ZNF841: variants seen among roughly 807,000 people sequenced by gnomAD.
The protein encoded by ZNF841 is zinc finger protein 841.
ZNF841 carries 11 observed loss-of-function variants against 13.0 expected under a neutral mutation model. That is an observed-to-expected ratio of 0.85 (90% CI 0.53 to 1.40). The LOEUF (loss-of-function observed/expected upper bound fraction) is 1.40. Among genes scored for constraint, ZNF841 ranks in the 40% most tolerant of loss-of-function variants. The probability of loss-of-function intolerance (pLI) is 0.00; values close to 1 mark genes in which losing one functional copy is unlikely to be tolerated. For synonymous variants in ZNF841, 369 were observed against 381.6 expected, an observed-to-expected ratio of 0.97 and a Z score of 0.38; for missense variants, 1,068 against 1,139.5, an observed-to-expected ratio of 0.94 and a Z score of 0.90.
At chr19:52,080,244 C>G (rs1208246529) in intron 4 of ZNF841, among the ~76,000 whole-genome samples, 1 of 152,126 alleles carries the variant, frequency 6.6e-6, no homozygotes, top group African/African-American at 2.4e-5. Context: ...GATAAAGGAA[C>G]AGGAATCCCC....
In ZNF841 at chr19:52,066,358, A is replaced by T. The variant is rs1008848316; in HGVS notation, c.1524T>A (p.Thr508=). ...SHLAVHQRVH[T]GEKPYKCNEC... is the part of the protein sequence containing the mutation. ...CATTACATTTGTAAGGTTTCTCTCC[A>T]GTATGAACTCTCTGATGCACTGCAA... The change falls in exon 7 of 7, where the codon ACT becomes ACA. Residue 508 remains threonine (T), a synonymous_variant. Transcript: ENST00000594440. The T allele has an allele frequency of 7.4e-6, 12 of 1,613,952 alleles. No individual in the cohort carries two copies. The African/African-American group carries it at 1.6e-4, about 22-fold the overall frequency.
intron 2 of ZNF841, among the ~76,000 whole-genome samples, chr19:52,092,709 T>C (rs2088539426): frequency 6.6e-6 from 1 of 152,248 alleles, no homozygotes; most frequent in South Asian, 2.1e-4. Flanking sequence ...TAGCAGTTCA[T>C]GGCTGTAATC....
At chr19:52,078,654 G>A (rs2087989740) in intron 4 of ZNF841, among the ~76,000 whole-genome samples, 2 of 143,998 alleles carry the variant, frequency 1.4e-5, no homozygotes. Flanking sequence ...AGCCGAGATC[G>A]CACCACTGCA....
intron 6 of ZNF841, among the ~76,000 whole-genome samples, chr19:52,075,225 G>A (rs1200429701): frequency 6.6e-6 from 1 of 152,104 alleles, no homozygotes; most frequent in Non-Finnish European, 1.5e-5. Context: ...ACATAAAAGA[G>A]AATGCAAGAT....
rs1432012294 is a variant in ZNF841, at chr19:52,090,675, GAA to G, written c.-143-1675_-143-1674del. 4.3e-4 allele frequency among the ~76,000 whole-genome samples: 60 copies of G among 140,034 alleles called. 4 individuals carry two copies. The South Asian group carries it at 0.014, about 34-fold the overall frequency. The allele number at this position is 140,034 out of a possible 152,430, so 91.9% of individuals were successfully genotyped here. On this transcript the variant is annotated intron_variant, in intron 2 of 6. Transcript: ENST00000594440. Reference sequence around the variant, plus strand: ...GGAAGGAAAGAAAGAAAGAAAGAAAGAAAGAAAGAAAGAAAGAAAGAAAGAAA... The same window carrying G: ...GGAAGGAAAGAAAGAAAGAAAGAAAGAGAAAGAAAGAAAGAAAGAAAGAAA...
In ZNF841 at chr19:52,066,982, C is replaced by T. The variant is rs770437194; in HGVS notation, c.900G>A (p.Arg300=). 4 of 1,613,936 alleles carry T rather than the reference C, an allele frequency of 2.5e-6. No homozygotes were observed. The highest frequency in any genetic ancestry group is 2.5e-6 in the Non-Finnish European group (3 of 1,180,008). The part of the protein sequence containing the change: ...RCNESGKAFH[R]GSLLTVHQIV... ...TCTGATGTACTGTTAGTAGTGAGCC[C>T]CGATGAAAGGCTTTACCAGACTCAT... is the stretch of plus-strand genomic sequence containing the variant. The change falls in exon 7 of 7, where the codon CGG becomes CGA. Residue 300 remains arginine (R), a synonymous_variant. Transcript: ENST00000594440.
At chr19:52,087,780 G>A (rs1353799006) in intron 3 of ZNF841, among the ~76,000 whole-genome samples, 3 of 152,052 alleles carry the variant, frequency 2.0e-5, no homozygotes, top group Admixed American at 2.0e-4. Context: ...GAGGTCAGGA[G>A]ATTGAGACCA....
At chr19:52,062,202 G>A (rs1027998876), downstream of ZNF841, among the ~76,000 whole-genome samples, 1 of 152,156 alleles carries the variant, frequency 6.6e-6, no homozygotes, top group Admixed American at 6.5e-5. Context: ...CAACAGGGTG[G>A]TGACATGATA....
chr19:52,082,939 G>T (rs544383155), intron 4 of ZNF841, among the ~76,000 whole-genome samples: 5 of 151,964 alleles, frequency 3.3e-5, no homozygotes, highest in South Asian at 2.1e-4. Flanking sequence ...AATTAACTGG[G>T]CACAGTGGTA....
At chr19:52,061,488 C>T (rs2087395731), downstream of ZNF841, among the ~76,000 whole-genome samples, 2 of 152,026 alleles carry the variant, frequency 1.3e-5, no homozygotes, top group Admixed American at 1.3e-4. Context: ...AGAACCCACC[C>T]CCACCACCAA....
intron 4 of ZNF841, among the ~76,000 whole-genome samples, chr19:52,080,950 G>A (rs965930844): frequency 6.6e-6 from 1 of 152,056 alleles, no homozygotes; most frequent in Admixed American, 6.6e-5. Context: ...AACTTACAAA[G>A]AAATAGGAAA....
intron 6 of ZNF841, among the ~76,000 whole-genome samples, chr19:52,069,248 T>C (rs2087675198): frequency 1.3e-5 from 2 of 152,098 alleles, no homozygotes; most frequent in Non-Finnish European, 2.9e-5. Context: ...AATTTTTTTG[T>C]AGTTTTGGTA....
rs2087527836 is a variant in ZNF841 at position 52,065,652 on chromosome 19, T to C, written c.2230A>G (p.Lys744Glu). The C allele has an allele frequency of 1.2e-6, 2 of 1,606,450 alleles. No homozygotes were observed. The highest frequency in any genetic ancestry group is 1.7e-6 in the Non-Finnish European group (2 of 1,176,052). ...EMPYKCIECG[K>E]VFNSTTTLAR... ...AGGGTTGTAGTGGAGTTAAAGACTT[T>C]CCCACATTCAATACATTTGTATGGC... Residue 744 changes from lysine to glutamate, a missense_variant, in exon 7 of 7, where the codon AAA (lysine) becomes GAA (glutamate). Physicochemically the swap from Lys to Glu is moderately conservative, Grantham distance 56 (BLOSUM62 1). Coordinates refer to ENST00000594440, the MANE Select transcript of ZNF841 (RefSeq NM_001136499.2).
At chr19:52,059,171 A>C in the ZNF841 span, 1 of 151,610 alleles carries the variant, frequency 6.6e-6, no homozygotes, top group Non-Finnish European at 1.5e-5. Flanking sequence ...ACATGGTGAA[A>C]CCCTGTCTCT....
Position 52,065,774 on chromosome 19 carries a change from G to A in ZNF841, c.2108C>T (p.Pro703Leu). Residue 703 changes from proline (P) to leucine (L), a missense_variant, in exon 7 of 7, where the codon CCT (proline) becomes CTT (leucine). Physicochemically the swap from Pro to Leu is moderately conservative, Grantham distance 98. Coordinates refer to ENST00000594440, the MANE Select transcript of ZNF841 (RefSeq NM_001136499.2). ...SSKLARYHRN[P>L]TGEKPHKCSE... Reference sequence around the variant, plus strand: ...ACATTTGTGTGGTTTCTCCCCAGTAGGATTTCTGTGATATCTTGCAAGTTT... The same window carrying A: ...ACATTTGTGTGGTTTCTCCCCAGTAAGATTTCTGTGATATCTTGCAAGTTT... The A allele has an allele frequency of 6.2e-7, 1 of 1,610,024 alleles. No homozygotes were observed. Among genetic ancestry groups the A allele is most frequent in the Non-Finnish European group, 8.5e-7 (1 of 1,177,766 alleles).
intron 4 of ZNF841, among the ~76,000 whole-genome samples, chr19:52,083,749 T>C (rs139750501): frequency 1.1e-3 from 166 of 147,868 alleles, no homozygotes; most frequent in African/African-American, 3.8e-3. Context: ...GTACACAATA[T>C]AGCAAGGTAT....
chr19:52,076,123 T>C lies in ZNF841; in HGVS notation c.192A>G (p.Lys64=), dbSNP rs2087892445. The C allele has an allele frequency of 1.3e-6, 2 of 1,557,204 alleles. No individual in the cohort carries two copies. Among genetic ancestry groups the C allele is most frequent in the Non-Finnish European group, 8.7e-7 (1 of 1,149,738 alleles). The change falls in exon 6 of 7, where the codon AAA becomes AAG. Residue 64 remains lysine, a synonymous_variant. Coordinates refer to ENST00000594440, the MANE Select transcript of ZNF841 (RefSeq NM_001136499.2). ...LNIISMLEQG[K]EPWTVVSQVK... ...CTTGGCTCACCACAGTCCAGGGCTC[T>C]TTCCCTTGCTCCAACATGGAGATAA...
At chr19:52,073,062 C>A (rs1295122353) in intron 6 of ZNF841, among the ~76,000 whole-genome samples, 10 of 152,050 alleles carry the variant, frequency 6.6e-5, no homozygotes, top group Non-Finnish European at 2.9e-5. Flanking sequence ...CACACACCTA[C>A]AACCAACTGA....
chr19:52,074,338 T>G (rs1343064608), intron 6 of ZNF841, among the ~76,000 whole-genome samples: 22 of 152,320 alleles, frequency 1.4e-4, no homozygotes, highest in African/African-American at 5.3e-4. Context: ...AATGGTTGCT[T>G]AAAACGAATT....
Sources: allele counts gnomAD v4.1 joint callset (sites outside exome capture counted in the v4.1 genomes callset), GRCh38; gene constraint gnomAD v4.1.1; transcripts MANE v1.5; gene names NCBI Gene and HGNC (gene_info 2026-07-23, HGNC 2026-07-21).